Variants in GIT2 observed in about 807,000 individuals in gnomAD.
GIT2 encodes ARF GTPase-activating protein GIT2.
A neutral mutation model predicts 100.3 loss-of-function variants in GIT2; 32 were observed. That is an observed-to-expected ratio of 0.32 (90% confidence interval 0.24 to 0.43). The LOEUF (loss-of-function observed/expected upper bound fraction) is 0.43, where lower values mean the gene tolerates loss of function less well. Among genes scored for constraint, GIT2 ranks in the 20% least tolerant of loss-of-function variants. The pLI is 1.00. For missense variants in GIT2, 737 were observed against 975.1 expected, an observed-to-expected ratio of 0.76 and a Z score of 3.25; for synonymous variants, 353 against 364.1, an observed-to-expected ratio of 0.97 and a Z score of 0.35.
chr12:109,980,436 T>C (rs1886094628), intron 7 of GIT2, among the ~76,000 whole-genome samples: 2 of 151,874 alleles, frequency 1.3e-5, no homozygotes, highest in Middle Eastern at 3.2e-3. Context: ...CTCTGTCACC[T>C]AGGCTGAAGT....
rs1871599363 is a variant in GIT2, at chr12:109,931,316, G to A, written c.*1662C>T. 6.6e-6 allele frequency: 1 copy of A among 152,270 alleles called. No homozygotes were observed. 9.4% of individuals were successfully genotyped at this position (152,270 alleles called of 1,614,324 possible). On this transcript the variant is annotated 3_prime_UTR_variant, in exon 20 of 20. Transcript: ENST00000355312. Reference sequence around the variant, plus strand: ...ACAGGGTTGGCCGGCTCCATTACGGGTAAGACTCAGAGGCTGCTCCAGGTG... The same window carrying A: ...ACAGGGTTGGCCGGCTCCATTACGGATAAGACTCAGAGGCTGCTCCAGGTG...
intron 9 of GIT2, among the ~76,000 whole-genome samples, chr12:109,963,414 G>A (rs1250388357): frequency 1.3e-5 from 2 of 152,130 alleles, no homozygotes; most frequent in African/African-American, 4.8e-5. Flanking sequence ...AATGGCCAAC[G>A]CTGATTATGG....
chr12:109,974,541 T>C (rs148927195), intron 7 of GIT2, among the ~76,000 whole-genome samples: 102 of 152,282 alleles, frequency 6.7e-4, no homozygotes, highest in African/African-American at 2.4e-3. Context: ...AAAAGCAGCA[T>C]GTTGTTCAAC....
chr12:109,983,872 A>G lies in GIT2; in HGVS notation c.406-178T>C, dbSNP rs1451931646. ...CAGTCACAACTGTCCCTGGGCTGTA[A>G]GGTGGAGTGAGGCCACTTTACTGAT... On this transcript the variant is annotated intron_variant, in intron 4 of 19. Transcript: ENST00000355312. The G allele has an allele frequency of 7.2e-6, 4 of 557,462 alleles. No homozygotes were observed. In the African/African-American group the frequency reaches 7.5e-5, roughly 11 times the overall value. 34.5% of individuals were successfully genotyped at this position (557,462 alleles called of 1,614,324 possible).
chr12:109,968,892 T>G (rs1883148199), intron 7 of GIT2, among the ~76,000 whole-genome samples: 1 of 151,942 alleles, frequency 6.6e-6, no homozygotes, highest in Non-Finnish European at 1.5e-5. Flanking sequence ...CGGCTAATTT[T>G]TTTATATTTT....
At chr12:109,988,618 C>T (rs1222910023) in intron 4 of GIT2, among the ~76,000 whole-genome samples, 4 of 151,856 alleles carry the variant, frequency 2.6e-5, no homozygotes, top group East Asian at 1.9e-4. Flanking sequence ...ACTAGGAGGC[C>T]GAGGCAGACG....
At chr12:109,954,908 AAAT>A (rs1015474966) in intron 12 of GIT2, among the ~76,000 whole-genome samples, 64 of 150,938 alleles carry the variant, frequency 4.2e-4, no homozygotes, top group East Asian at 9.7e-4. Flanking sequence ...AAAAAAAAAA[AAAT>A]AATAATAATA....
chr12:109,952,327 C>T lies in GIT2; in HGVS notation c.1242+765G>A, dbSNP rs900329228. 2.0e-5 allele frequency among the ~76,000 whole-genome samples: 3 copies of T among 152,278 alleles called. No individual in the cohort carries two copies. In the East Asian group the frequency reaches 5.8e-4, roughly 29 times the overall value. ...GGTCCTGCTGCCCTCTCCCCCAGCT[C>T]ACACTCTGGTGCCGAGGTCTCTCCC... is the stretch of plus-strand genomic sequence containing the variant. On this transcript the variant is annotated intron_variant, in intron 13 of 19. Transcript: ENST00000355312.
intron 7 of GIT2, among the ~76,000 whole-genome samples, chr12:109,974,943 G>T (rs1884711889): frequency 6.6e-6 from 1 of 152,148 alleles, no homozygotes; most frequent in Non-Finnish European, 1.5e-5. Context: ...TTGAAGGTCT[G>T]TTGCTGGATG....
At chr12:109,998,614 T>C (rs1374939203), upstream of GIT2, 2 of 152,168 alleles carry the variant, frequency 1.3e-5, no homozygotes, top group Non-Finnish European at 2.9e-5. Context: ...CAAATATGTA[T>C]ATTATTTATC....
At chr12:109,986,391 G>A (rs1478541965) in intron 4 of GIT2, among the ~76,000 whole-genome samples, 5 of 152,158 alleles carry the variant, frequency 3.3e-5, no homozygotes, top group Non-Finnish European at 7.3e-5. Flanking sequence ...CGGCACTTTG[G>A]GAAGCTGAAA....
At position 109,983,429 on chromosome 12, in the gene GIT2, A is replaced by C. The variant is rs1337778632; in HGVS notation, c.567T>G (p.Tyr189Ter). 6.2e-7 allele frequency: 1 copy of C among 1,613,664 alleles called. No homozygotes were observed. Among genetic ancestry groups the C allele is most frequent in the Admixed American group, 1.7e-5 (1 of 60,026 alleles). Residue 189 changes from tyrosine to a stop codon, truncating the protein, a stop_gained, in exon 6 of 20, where the codon TAT (tyrosine) becomes TAG (stop). Transcript: ENST00000355312. LOFTEE classifies it high-confidence loss of function. The stretch of plus-strand genomic sequence containing the variant: ...AATCCTGTGTGCCTGGGTCTGCTCC[A>C]TATACTGCCAATAATTCAGCCTGTA... Reference protein sequence around the residue: ...QILQAELLAVYGADPGTQDSS... With the variant: ...QILQAELLAV
At chr12:109,984,395 G>C (rs1886934691) in intron 4 of GIT2, among the ~76,000 whole-genome samples, 2 of 151,906 alleles carry the variant, frequency 1.3e-5, no homozygotes, top group South Asian at 4.2e-4. Flanking sequence ...CTTGGTGACA[G>C]AGCGAGACCC....
In GIT2 at chr12:109,942,252, C is replaced by T. The variant is rs572611011; in HGVS notation, c.1732-3005G>A. Among the ~76,000 whole-genome samples, 60 of 152,230 alleles carry T rather than the reference C, an allele frequency of 3.9e-4. 2 individuals carry two copies. Among genetic ancestry groups the T allele is most frequent in the Admixed American group, 3.5e-3 (53 of 15,276 alleles). Reference sequence around the variant, plus strand: ...TTACGTAATTATACTGAAAAATTTGCCCAGAGCTGCTCCAGTGGAAAACAA... The same window carrying T: ...TTACGTAATTATACTGAAAAATTTGTCCAGAGCTGCTCCAGTGGAAAACAA... On this transcript the variant is annotated intron_variant, in intron 16 of 19. Transcript: ENST00000355312.
intron 7 of GIT2, among the ~76,000 whole-genome samples, chr12:109,975,819 T>C (rs975795814): frequency 6.7e-6 from 1 of 149,736 alleles, no homozygotes; most frequent in Non-Finnish European, 1.5e-5. Flanking sequence ...TCACCCAGGC[T>C]GGAGTGCAGT....
intron 4 of GIT2, 91 bp downstream of exon 4, chr12:109,988,869 AAAG>A: frequency 3.1e-5 from 19 of 614,450 alleles, no homozygotes; most frequent in South Asian, 1.2e-4. Context: ...AAAAAAAAAA[AAAG>A]CCCACAACCA....
At chr12:109,937,841 T>A (rs148535320) in intron 18 of GIT2, among the ~76,000 whole-genome samples, 10 of 152,332 alleles carry the variant, frequency 6.6e-5, no homozygotes, top group African/African-American at 2.4e-4. Flanking sequence ...TAGCTGGGAC[T>A]ACAGGCACAT....
Position 109,996,230 on chromosome 12 carries a change from C to A in GIT2, c.-6G>T. ...CTCCGGAGCCGTTTCGACATGGCTC[C>A]CACCTCCCACCTGCGGGGAACTAGA... On this transcript the variant is annotated 5_prime_UTR_variant, in exon 1 of 20. Transcript: ENST00000355312. 1.3e-6 allele frequency: 2 copies of A among 1,528,574 alleles called. No individual in the cohort carries two copies. The allele number at this position is 1,528,574 out of a possible 1,614,324, so 94.7% of individuals were successfully genotyped here.
In GIT2 at chr12:109,945,320, A is replaced by C; in HGVS notation, c.1671T>G (p.Ser557=). 6.3e-7 allele frequency: 1 copy of C among 1,581,632 alleles called. No individual in the cohort carries two copies. The highest frequency in any genetic ancestry group is 8.7e-7 in the Non-Finnish European group (1 of 1,150,626). The change falls in exon 16 of 20, where the codon TCT becomes TCG. Residue 557 remains serine, a synonymous_variant. Coordinates refer to ENST00000355312, the MANE Select transcript of GIT2 (RefSeq NM_057169.5). ...HIGRSALVTS[S]SSLPSFPSTL... The stretch of plus-strand genomic sequence containing the variant: ...TGGAGGGGAAGGAAGGCAGAGATGA[A>C]GAGGAGGTCACAAGTGCACTCCTCC...
Sources: gnomAD v4.1 joint callset for allele counts (sites outside exome capture counted in the v4.1 genomes callset) on GRCh38, gnomAD v4.1.1 for gene constraint, MANE v1.5 for transcripts, NCBI Gene and HGNC (gene_info 2026-07-23, HGNC 2026-07-21) for gene names.